Variants in ADAM22 observed in about 807,000 individuals in gnomAD.
The protein encoded by ADAM22 is disintegrin and metalloproteinase domain-containing protein 22.
A neutral mutation model predicts 144.6 loss-of-function variants in ADAM22; 65 were observed. That is an observed-to-expected ratio of 0.45 (90% CI 0.37 to 0.55). The LOEUF (loss-of-function observed/expected upper bound fraction) is 0.55, where lower values mean the gene tolerates loss of function less well. ADAM22 is among the 20% of genes least tolerant of loss of function. The pLI, the probability that ADAM22 is intolerant of heterozygous loss-of-function variation, is 0.00. For synonymous variants in ADAM22, 391 were observed against 412.6 expected (o/e 0.95, Z 0.63); for missense variants, 974 against 1,184.9 (o/e 0.82, Z 2.61).
At chr7:87,987,852 A>T (rs1434530348) in intron 3 of ADAM22, among the ~76,000 whole-genome samples, 1 of 152,142 alleles carries the variant, frequency 6.6e-6, no homozygotes, top group Non-Finnish European at 1.5e-5. Context: ...CTCTGAATAT[A>T]TGTATATTTT....
intron 2 of ADAM22, among the ~76,000 whole-genome samples, chr7:87,957,440 A>T (rs1442351580): frequency 1.3e-5 from 2 of 152,186 alleles, no homozygotes; most frequent in African/African-American, 4.8e-5. Flanking sequence ...AACAAAATTT[A>T]GTGTGGTTTG....
intron 31 of ADAM22, among the ~76,000 whole-genome samples, chr7:88,193,465 T>A (rs1051001172): frequency 1.3e-5 from 2 of 152,232 alleles, no homozygotes; most frequent in Non-Finnish European, 2.9e-5. Context: ...AATTAATTGC[T>A]ATATATTTAA....
chr7:88,142,565 G>GT (rs1835004091), intron 14 of ADAM22, among the ~76,000 whole-genome samples: 1 of 152,124 alleles, frequency 6.6e-6, no homozygotes, highest in Non-Finnish European at 1.5e-5. Context: ...TTGGCCGGGC[G>GT]TGGTGGCTCA....
chr7:87,985,559 A>G (rs1000849635), intron 3 of ADAM22, among the ~76,000 whole-genome samples: 12 of 152,178 alleles, frequency 7.9e-5, no homozygotes, highest in Non-Finnish European at 1.5e-4. Context: ...GACATTTCTT[A>G]TAAAGGGAAT....
At chr7:87,940,474 A>G (rs547081597) in intron 2 of ADAM22, among the ~76,000 whole-genome samples, 1 of 152,350 alleles carries the variant, frequency 6.6e-6, no homozygotes, top group African/African-American at 2.4e-5. Context: ...GAAAAATTTT[A>G]GAAGAAATTT....
chr7:87,974,167 G>A (rs1207272287), intron 2 of ADAM22, among the ~76,000 whole-genome samples: 1 of 151,154 alleles, frequency 6.6e-6, no homozygotes, highest in Non-Finnish European at 1.5e-5. Context: ...AGCCAGCCGT[G>A]GTGGCGGGTG....
Position 88,182,039 on chromosome 7 carries a change from C to T in ADAM22, c.2663+15C>T. 6.2e-7 allele frequency: 1 copy of T among 1,609,092 alleles called. No individual in the cohort carries two copies. The highest frequency in any genetic ancestry group is 8.5e-7 in the Non-Finnish European group (1 of 1,178,264). ...AATTCAACTGAGTAAGTCTGAACCT[C>T]TAATGGAAAAAGGCACTCCAAGGTC... is the stretch of plus-strand genomic sequence containing the variant. On this transcript the variant is annotated intron_variant, in intron 29 of 31. Transcript: ENST00000413139.
At chr7:87,962,532 G>A (rs1045546569) in intron 2 of ADAM22, among the ~76,000 whole-genome samples, 1 of 152,090 alleles carries the variant, frequency 6.6e-6, no homozygotes, top group African/African-American at 2.4e-5. Flanking sequence ...AATACAACAC[G>A]AAATTCTGTT....
At chr7:88,099,609 T>A (rs184483504) in intron 4 of ADAM22, among the ~76,000 whole-genome samples, 1 of 152,330 alleles carries the variant, frequency 6.6e-6, no homozygotes, top group Admixed American at 6.5e-5. Flanking sequence ...CTTATTATAG[T>A]GAAATATTAC....
At chr7:87,953,130 T>A (rs1845695330) in intron 2 of ADAM22, among the ~76,000 whole-genome samples, 1 of 152,058 alleles carries the variant, frequency 6.6e-6, no homozygotes, top group Non-Finnish European at 1.5e-5. Flanking sequence ...TTTTTTTTTG[T>A]CTCTATTTCC....
intron 2 of ADAM22, among the ~76,000 whole-genome samples, chr7:87,940,034 G>A (rs1842153369): frequency 6.6e-6 from 1 of 151,922 alleles, no homozygotes; most frequent in Non-Finnish European, 1.5e-5. Context: ...TCTATGAAGG[G>A]TACAAAAATT....
At chr7:87,953,718 A>C (rs1845842194) in intron 2 of ADAM22, among the ~76,000 whole-genome samples, 1 of 151,896 alleles carries the variant, frequency 6.6e-6, no homozygotes, top group East Asian at 1.9e-4. Context: ...TGTCTCGTTG[A>C]TCTGTCTAAT....
At chr7:88,022,066 A>T (rs1025414873) in intron 3 of ADAM22, among the ~76,000 whole-genome samples, 4 of 146,916 alleles carry the variant, frequency 2.7e-5, no homozygotes, top group South Asian at 4.3e-4. Context: ...TTTTATTTTT[A>T]TTTTTTTTTT....
At chr7:87,972,260 A>G (rs1850643097) in intron 2 of ADAM22, among the ~76,000 whole-genome samples, 1 of 151,632 alleles carries the variant, frequency 6.6e-6, no homozygotes, top group East Asian at 1.9e-4. Context: ...TCAATGTACA[A>G]AAATCACAAG....
At chr7:88,143,329 G>A (rs1426506705) in intron 15 of ADAM22, among the ~76,000 whole-genome samples, 2 of 152,164 alleles carry the variant, frequency 1.3e-5, no homozygotes, top group African/African-American at 4.8e-5. Context: ...ATAGAAAGCA[G>A]GTAGAAATAA....
chr7:87,955,915 G>A (rs1350033598), intron 2 of ADAM22, among the ~76,000 whole-genome samples: 5 of 152,170 alleles, frequency 3.3e-5, no homozygotes, highest in Non-Finnish European at 4.4e-5. Flanking sequence ...CTCCATGGGC[G>A]TAGGACCCTC....
intron 3 of ADAM22, among the ~76,000 whole-genome samples, chr7:88,058,414 T>G (rs2129476099): frequency 6.6e-6 from 1 of 152,374 alleles, no homozygotes; most frequent in East Asian, 1.9e-4. Flanking sequence ...CTTTTTTGGC[T>G]TAATGGTTAT....
At chr7:87,935,845 T>C (rs528149591) in intron 2 of ADAM22, among the ~76,000 whole-genome samples, 1 of 152,252 alleles carries the variant, frequency 6.6e-6, no homozygotes, top group Non-Finnish European at 1.5e-5. Flanking sequence ...TTTTTATCAC[T>C]GTATCTGTAT....
At chr7:88,161,019 C>T (rs1035881131) in intron 22 of ADAM22, among the ~76,000 whole-genome samples, 9 of 151,940 alleles carry the variant, frequency 5.9e-5, no homozygotes, top group Admixed American at 2.0e-4. Context: ...ATGTAAATGA[C>T]GAGTTACTGG....
Sources: allele counts gnomAD v4.1 joint callset (sites outside exome capture counted in the v4.1 genomes callset), GRCh38; gene constraint gnomAD v4.1.1; transcripts MANE v1.5; gene names NCBI Gene and HGNC (gene_info 2026-07-23, HGNC 2026-07-21).